Variants in NEK3 observed in about 807,000 individuals in gnomAD.
The protein encoded by NEK3 is serine/threonine-protein kinase Nek3.
A neutral mutation model predicts 66.0 loss-of-function variants in NEK3; 54 were observed. That is an observed-to-expected ratio of 0.82 (90% CI 0.66 to 1.03). NEK3 has a LOEUF of 1.03. Among genes scored for constraint, NEK3 ranks in the 50% least tolerant of loss-of-function variants. The probability of loss-of-function intolerance (pLI) is 0.00; values close to 1 mark genes in which losing one functional copy is unlikely to be tolerated. For synonymous variants in NEK3, 200 were observed against 206.2 expected, an observed-to-expected ratio of 0.97 and a Z score of 0.26; for missense variants, 593 against 603.0, an observed-to-expected ratio of 0.98 and a Z score of 0.17.
At chr13:52,138,609 G>T (rs1278469708) in intron 11 of NEK3, among the ~76,000 whole-genome samples, 2 of 152,216 alleles carry the variant, frequency 1.3e-5, no homozygotes, top group Non-Finnish European at 2.9e-5. Flanking sequence ...GCAATTTGTT[G>T]TCATACAACA....
chr13:52,155,973 G>A, intron 2 of NEK3, 102 bp downstream of exon 2: 1 of 643,868 alleles, frequency 1.6e-6, no homozygotes, highest in Non-Finnish European at 2.6e-6. Flanking sequence ...CTCCCAAAGT[G>A]CTGGGATTAC....
intron 2 of NEK3, 35 bp downstream of exon 2, chr13:52,156,040 T>A: frequency 7.3e-7 from 1 of 1,367,464 alleles, no homozygotes; most frequent in Non-Finnish European, 1.0e-6. Flanking sequence ...ACTGCATGTA[T>A]ACTTTCAAAG....
At chr13:52,144,564 A>G in intron 9 of NEK3, 127 bp downstream of exon 9, 1 of 761,712 alleles carries the variant, frequency 1.3e-6, no homozygotes, top group Non-Finnish European at 2.1e-6. Context: ...TTAACTTTTT[A>G]TTTTTTAATA....
In NEK3 at chr13:52,132,973, C is replaced by T. The variant is rs1014680289; in HGVS notation, c.*169G>A. On this transcript the variant is annotated 3_prime_UTR_variant, in exon 16 of 16. Coordinates refer to ENST00000610828, the MANE Select transcript of NEK3 (RefSeq NM_002498.3). ...TTCAAAAACTTACAGGAGTTCTAGACTTTTCAAACTCACGATACTAATCAA... is the reference window on the plus strand; with the variant it reads ...TTCAAAAACTTACAGGAGTTCTAGATTTTTCAAACTCACGATACTAATCAA... The T allele has an allele frequency of 3.3e-6, 2 of 608,398 alleles. No individual in the cohort carries two copies. Among genetic ancestry groups the T allele is most frequent in the East Asian group, 5.6e-5 (2 of 35,642 alleles). The allele number at this position is 608,398 out of a possible 1,614,324, so 37.7% of individuals were successfully genotyped here.
chr13:52,152,836 A>G, intron 4 of NEK3, 144 bp from the exon 5 acceptor site: 1 of 497,102 alleles, frequency 2.0e-6, no homozygotes, highest in Non-Finnish European at 3.6e-6. Flanking sequence ...TACATAGTTC[A>G]ACTAAGATTC....
rs768943297 is a variant in NEK3, at chr13:52,156,061, T to G, written c.117+14A>C. ...TGTATACTTTCAAAGTGAGCTAATT[T>G]CTTTAGTAGTGACCTTGGGAAGCCT... is the stretch of plus-strand genomic sequence containing the variant. On this transcript the variant is annotated intron_variant, in intron 2 of 15. Transcript: ENST00000610828. 1 of 1,514,964 alleles carries G rather than the reference T, an allele frequency of 6.6e-7. No individual in the cohort carries two copies. The highest frequency in any genetic ancestry group is 9.1e-7 in the Non-Finnish European group (1 of 1,104,816). 93.8% of individuals were successfully genotyped at this position (1,514,964 alleles called of 1,614,324 possible).
At chr13:52,155,303 G>A (rs1405046558) in intron 2 of NEK3, among the ~76,000 whole-genome samples, 1 of 152,078 alleles carries the variant, frequency 6.6e-6, no homozygotes, top group Non-Finnish European at 1.5e-5. Context: ...TCTTTCATAG[G>A]ACAACTATGA....
intron 14 of NEK3, 26 bp from the exon 15 acceptor site, chr13:52,133,841 TA>T: frequency 6.3e-7 from 1 of 1,579,178 alleles, no homozygotes; most frequent in Non-Finnish European, 8.6e-7. Context: ...ACAGAAAATA[TA>T]CCAATTTAAA....
intron 8 of NEK3, among the ~76,000 whole-genome samples, chr13:52,147,819 AT>A (rs777364033): frequency 1.3e-5 from 2 of 152,036 alleles, no homozygotes; most frequent in Non-Finnish European, 2.9e-5. Flanking sequence ...TACAAAAAAA[AT>A]GTCTCTAGTA....
chr13:52,148,415 T>C lies in NEK3; in HGVS notation c.603A>G (p.Pro201=), dbSNP rs1391204911. 8.7e-6 allele frequency: 14 copies of C among 1,613,214 alleles called. No homozygotes were observed. Among genetic ancestry groups the C allele is most frequent in the South Asian group, 3.3e-5 (3 of 90,922 alleles). ...ILYELCTLKH[P]FQANSWKNLI... is the part of the protein sequence containing the mutation. ...TTTCCATTTTGCACGCCATACTTACTGGATGCTTAAGGGTACAGAGTTCAT... is the reference window on the plus strand; with the variant it reads ...TTTCCATTTTGCACGCCATACTTACCGGATGCTTAAGGGTACAGAGTTCAT... Residue 201 remains proline (P), a splice_region_variant and synonymous_variant, in exon 8 of 16, where the codon CCA becomes CCG. Transcript: ENST00000610828.
intron 11 of NEK3, among the ~76,000 whole-genome samples, chr13:52,137,251 G>T (rs1956213956): frequency 6.6e-6 from 1 of 151,962 alleles, no homozygotes; most frequent in Admixed American, 6.6e-5. Flanking sequence ...ATTTCAATAT[G>T]GTTTGCCGTA....
In NEK3 at chr13:52,136,150, T is replaced by A. The variant is rs1006895251; in HGVS notation, c.1140A>T (p.Ile380=). 1.2e-6 allele frequency: 2 copies of A among 1,613,644 alleles called. No homozygotes were observed. The highest frequency in any genetic ancestry group is 1.7e-6 in the Non-Finnish European group (2 of 1,179,726). ...TALTALENAS[I]LTSSLTAEDD... ...CCTCTGCTGTTAAACTGGAGGTGAG[T>A]ATGGATGCATTTTCCAAAGCTGTAA... is the stretch of plus-strand genomic sequence containing the variant. Residue 380 remains isoleucine (I), a synonymous_variant, in exon 13 of 16, where the codon ATA becomes ATT. Transcript: ENST00000610828.
chr13:52,133,650 C>CT (rs1956176197), intron 15 of NEK3, 39 bp downstream of exon 15: 1 of 1,547,710 alleles, frequency 6.5e-7, no homozygotes, highest in African/African-American at 1.4e-5. Flanking sequence ...CACACACCCC[C>CT]AACCCCAGCT....
At chr13:52,149,289 C>A (rs1311978024) in intron 7 of NEK3, among the ~76,000 whole-genome samples, 2 of 151,902 alleles carry the variant, frequency 1.3e-5, no homozygotes, top group Non-Finnish European at 2.9e-5. Flanking sequence ...CACTGTACTG[C>A]TGCCTTGAAC....
chr13:52,145,075 A>G (rs1375960552), intron 8 of NEK3, among the ~76,000 whole-genome samples, 184 bp from the exon 9 acceptor site: 1 of 152,166 alleles, frequency 6.6e-6, no homozygotes, highest in Non-Finnish European at 1.5e-5. Flanking sequence ...GTTAAACATG[A>G]ATGATAAAAA....
At chr13:52,152,411 G>A (rs1409479893) in intron 5 of NEK3, among the ~76,000 whole-genome samples, 198 bp downstream of exon 5, 3 of 152,050 alleles carry the variant, frequency 2.0e-5, no homozygotes, top group Non-Finnish European at 4.4e-5. Flanking sequence ...CACGTTGTAC[G>A]TCATAAACAT....
intron 1 of NEK3, chr13:52,157,314 G>A (rs1956403568): frequency 6.6e-6 from 1 of 152,198 alleles, no homozygotes; most frequent in African/African-American, 2.4e-5. Context: ...ATGGAATAGA[G>A]TGGAGGCAAT....
At position 52,133,988 on chromosome 13, in the gene NEK3, C is replaced by A. The variant is rs1352865170; in HGVS notation, c.1310-173G>T. ...ATGATTGTAGGCATAAAACAGGCCC[C>A]TGAAGCAGAAGCACTGGGATGTGGA... On this transcript the variant is annotated intron_variant, in intron 14 of 15. Coordinates refer to ENST00000610828, the MANE Select transcript of NEK3 (RefSeq NM_002498.3). 4 of 619,088 alleles carry A rather than the reference C, an allele frequency of 6.5e-6. No homozygotes were observed. In the African/African-American group the frequency reaches 7.4e-5, roughly 11 times the overall value. The allele number at this position is 619,088 out of a possible 1,614,324, so 38.3% of individuals were successfully genotyped here. A position where few individuals can be genotyped will look rare whatever the true frequency, so the allele number is the denominator to read the frequency against.
chr13:52,140,995 A>C (rs1406266282), intron 11 of NEK3, 25 bp downstream of exon 11: 7 of 1,570,172 alleles, frequency 4.5e-6, no homozygotes, highest in Non-Finnish European at 6.0e-6. Flanking sequence ...GCCCGGCCTC[A>C]TAAAAGTAAT....
Sources: allele counts gnomAD v4.1 joint callset (sites outside exome capture counted in the v4.1 genomes callset), GRCh38; gene constraint gnomAD v4.1.1; transcripts MANE v1.5; gene names NCBI Gene and HGNC (gene_info 2026-07-23, HGNC 2026-07-21).